The following CHSY3 variants were observed in gnomAD, a reference collection of about 807,000 sequenced individuals.
CHSY3 encodes the protein N-acetylgalactosaminyl-proteoglycan 3-beta-glucuronosyltransferase 3.
In CHSY3, 35 loss-of-function variants were observed where a neutral mutation model predicts 67.2. The ratio of observed to expected loss-of-function variants is 0.52; its 90% CI spans 0.40 to 0.69. The LOEUF (loss-of-function observed/expected upper bound fraction) is 0.69. Ranked by LOEUF, CHSY3 falls within the 30% of genes least tolerant of loss-of-function variation. The pLI is 0.00. For synonymous variants in CHSY3, 474 were observed against 434.7 expected (o/e 1.09, Z -1.12); for missense variants, 1,069 against 1,138.5 (o/e 0.94, Z 0.88).
intron 2 of CHSY3, among the ~76,000 whole-genome samples, chr5:130,016,175 A>G (rs1474907410): frequency 6.6e-6 from 1 of 152,200 alleles, no homozygotes; most frequent in Non-Finnish European, 1.5e-5. Flanking sequence ...ACCAAACCCC[A>G]ATGTCACACA....
At chr5:130,141,444 A>C in intron 2 of CHSY3, 1 of 356,860 alleles carries the variant, frequency 2.8e-6, no homozygotes, top group East Asian at 6.8e-5. Context: ...CCTTTGATTT[A>C]AGTCACTTTT....
At position 129,938,795 on chromosome 5, in the gene CHSY3, T is replaced by C. The variant is rs116059760; in HGVS notation, c.1086+30435T>C. On this transcript the variant is annotated intron_variant, in intron 2 of 2. Coordinates refer to ENST00000305031, the MANE Select transcript of CHSY3 (RefSeq NM_175856.5). ...TATCACTATCAGCATTTGATCACAA[T>C]AATTTAACACGTCTCTAGGAAGTTC... Among the ~76,000 whole-genome samples, 629 of 152,316 alleles carry C rather than the reference T, an allele frequency of 4.1e-3. 5 individuals carry two copies. The highest frequency in any genetic ancestry group is 0.014 in the African/African-American group (597 of 41,570).
intron 2 of CHSY3, among the ~76,000 whole-genome samples, chr5:129,987,473 G>T (rs926879744): frequency 6.6e-6 from 1 of 152,250 alleles, no homozygotes; most frequent in African/African-American, 2.4e-5. Flanking sequence ...CTTAATTCGT[G>T]ATATCAACTC....
At chr5:130,180,131 T>A (rs1770201027) in intron 2 of CHSY3, among the ~76,000 whole-genome samples, 1 of 152,182 alleles carries the variant, frequency 6.6e-6, no homozygotes, top group Admixed American at 6.5e-5. Context: ...TTCTGAGATC[T>A]CTTACCCTTG....
chr5:130,140,383 T>G, intron 2 of CHSY3: 1 of 657,998 alleles, frequency 1.5e-6, no homozygotes, highest in Non-Finnish European at 2.6e-6. Flanking sequence ...GGAAGTGTTT[T>G]TTATGGTTCT....
chr5:130,008,929 A>G (rs1182689605), intron 2 of CHSY3, among the ~76,000 whole-genome samples: 1 of 152,222 alleles, frequency 6.6e-6, no homozygotes, highest in Admixed American at 6.5e-5. Flanking sequence ...AAAGAATTTT[A>G]AAAAAGGAAG....
chr5:129,964,524 A>G (rs1241380975), intron 2 of CHSY3, among the ~76,000 whole-genome samples: 1 of 151,782 alleles, frequency 6.6e-6, no homozygotes, highest in East Asian at 1.9e-4. Context: ...GTAGCTCTCA[A>G]TCCATCCCTG....
At chr5:130,147,247 A>G (rs1183337397) in intron 2 of CHSY3, among the ~76,000 whole-genome samples, 1 of 152,200 alleles carries the variant, frequency 6.6e-6, no homozygotes, top group Non-Finnish European at 1.5e-5. Context: ...ACTGCCAGCC[A>G]TGATATCATT....
chr5:130,036,967 A>C (rs900526016), intron 2 of CHSY3, among the ~76,000 whole-genome samples: 2 of 152,146 alleles, frequency 1.3e-5, no homozygotes, highest in African/African-American at 4.8e-5. Context: ...AGATACTAAA[A>C]GAAGAAACAG....
Position 129,908,286 on chromosome 5 carries a change from A to T in CHSY3, c.1012A>T (p.Thr338Ser), listed in dbSNP as rs773380386. Residue 338 changes from threonine to serine, a missense_variant, in exon 2 of 3, where the codon ACG becomes TCG. Around this residue, in one of 5 missense-constraint regions of CHSY3, gnomAD observed 216 missense variants for 311.5 expected, o/e 0.69. Coordinates refer to ENST00000305031, the MANE Select transcript of CHSY3 (RefSeq NM_175856.5). ...TGGTGAATGCCTTAGAGAAATGTAC[A>T]CGACTCATGAGGATGTGGAAGTAGG... The part of the protein sequence containing the change: ...HIGECLREMY[T>S]THEDVEVGRC... The T allele has an allele frequency of 1.9e-6, 3 of 1,614,098 alleles. No individual in the cohort carries two copies.
At chr5:130,127,838 T>A (rs1768343768) in intron 2 of CHSY3, among the ~76,000 whole-genome samples, 2 of 152,300 alleles carry the variant, frequency 1.3e-5, no homozygotes, top group Middle Eastern at 3.4e-3. Context: ...GGATGCTTTA[T>A]TATGATTATG....
chr5:129,936,011 T>G (rs1032755140), intron 2 of CHSY3, among the ~76,000 whole-genome samples: 4 of 152,200 alleles, frequency 2.6e-5, no homozygotes, highest in African/African-American at 9.7e-5. Flanking sequence ...AATCTGAATT[T>G]CAAAGCTGTA....
In CHSY3 at chr5:130,109,982, A is replaced by T. The variant is rs145915189; in HGVS notation, c.1087-74247A>T. Among the ~76,000 whole-genome samples, 356 of 151,988 alleles carry T rather than the reference A, an allele frequency of 2.3e-3. 1 individual carries two copies. Among genetic ancestry groups the T allele is most frequent in the African/African-American group, 8.0e-3 (331 of 41,532 alleles). Reference sequence around the variant, plus strand: ...AATGGAGAGGTTCAAAATTACTAGGAAAAACTATGGCTTATAATTAATTAC... The same window carrying T: ...AATGGAGAGGTTCAAAATTACTAGGTAAAACTATGGCTTATAATTAATTAC... On this transcript the variant is annotated intron_variant, in intron 2 of 2. Transcript: ENST00000305031.
chr5:129,999,448 G>T (rs764635207), intron 2 of CHSY3, among the ~76,000 whole-genome samples: 13 of 152,142 alleles, frequency 8.5e-5, no homozygotes, highest in Admixed American at 2.0e-4. Flanking sequence ...AGATCCTAGA[G>T]AAGATCTAGG....
In CHSY3 at chr5:130,185,647, A is replaced by G; in HGVS notation, c.2505A>G (p.Pro835=). 1 of 1,614,098 alleles carries G rather than the reference A, an allele frequency of 6.2e-7. No individual in the cohort carries two copies. The highest frequency in any genetic ancestry group is 8.5e-7 in the Non-Finnish European group (1 of 1,179,976). The part of the protein sequence containing the change: ...QEVGVVHIFH[P]VHCDPNLDPK... ...TAGGAGTGGTGCATATTTTCCATCC[A>G]GTTCATTGTGATCCTAACTTGGACC... is the stretch of plus-strand genomic sequence containing the variant. The change falls in exon 3 of 3, where the codon CCA becomes CCG. Residue 835 remains proline (P), a synonymous_variant. Coordinates refer to ENST00000305031, the MANE Select transcript of CHSY3 (RefSeq NM_175856.5).
chr5:129,918,790 A>G (rs143427020), intron 2 of CHSY3, among the ~76,000 whole-genome samples: 1,828 of 145,696 alleles, frequency 0.013, 66 homozygotes, highest in Admixed American at 0.06. Flanking sequence ...CATACATTGT[A>G]GATCAGTGAT....
chr5:129,930,506 G>GATCACT (rs1491214167), intron 2 of CHSY3, among the ~76,000 whole-genome samples: 1 of 95,264 alleles, frequency 1.0e-5, no homozygotes, highest in Non-Finnish European at 2.1e-5. Flanking sequence ...AGGCATCACT[G>GATCACT]GCGGGGGGGG....
At chr5:129,927,244 C>T (rs114199394) in intron 2 of CHSY3, among the ~76,000 whole-genome samples, 1,610 of 151,742 alleles carry the variant, frequency 0.011, 27 homozygotes, top group African/African-American at 0.037. Context: ...TTTATTTTGC[C>T]TCAATTCATT....
Position 130,039,267 on chromosome 5 carries a change from G to T in CHSY3, c.1086+130907G>T, listed in dbSNP as rs151235106. 3.0e-3 allele frequency among the ~76,000 whole-genome samples: 463 copies of T among 152,110 alleles called. 3 individuals are homozygous for T. The highest frequency in any genetic ancestry group is 0.011 in the African/African-American group (439 of 41,522). On this transcript the variant is annotated intron_variant, in intron 2 of 2. Coordinates refer to ENST00000305031, the MANE Select transcript of CHSY3 (RefSeq NM_175856.5). Reference sequence around the variant, plus strand: ...TTTGGGAGACCAAGGCACGAGGATTGCTTGAATCCAGGATTTTAAGACCAG... The same window carrying T: ...TTTGGGAGACCAAGGCACGAGGATTTCTTGAATCCAGGATTTTAAGACCAG...
Sources: gnomAD v4.1 joint callset for allele counts (sites outside exome capture counted in the v4.1 genomes callset) on GRCh38, gnomAD v4.1.1 for gene constraint, gnomAD v4.1.1 regional missense constraint, MANE v1.5 for transcripts, NCBI Gene and HGNC (gene_info 2026-07-23, HGNC 2026-07-21) for gene names.